The following WDR44 variants were observed in gnomAD, a reference collection of about 807,000 sequenced individuals.
WDR44 encodes WD repeat domain 44.
WDR44 carries 9 observed loss-of-function variants against 65.7 expected under a neutral mutation model. The ratio of observed to expected loss-of-function variants is 0.14; its 90% CI spans 0.08 to 0.24. The LOEUF (loss-of-function observed/expected upper bound fraction) is 0.24, where lower values mean the gene tolerates loss of function less well. Among genes scored for constraint, WDR44 ranks in the 10% least tolerant of loss-of-function variants. The pLI is 1.00. For missense variants in WDR44, 425 were observed against 670.9 expected, an observed-to-expected ratio of 0.63 and a Z score of 4.05; for synonymous variants, 220 against 235.2, an observed-to-expected ratio of 0.94 and a Z score of 0.59.
At chrX:118,382,940 C>CT (rs1173243313) in intron 2 of WDR44, among the ~76,000 whole-genome samples, 1 of 111,836 alleles carries the variant, frequency 8.9e-6, no homozygotes, top group Non-Finnish European at 1.9e-5. Context: ...TCAAGTATAG[C>CT]TAAGTTGGCA....
At chrX:118,398,579 C>A in intron 8 of WDR44, 109 bp downstream of exon 8, 1 of 612,525 alleles carries the variant, frequency 1.6e-6, no homozygotes, top group Non-Finnish European at 2.6e-6. Context: ...TGTCTACCCA[C>A]CACCATTCCT....
intron 14 of WDR44, 149 bp from the exon 15 acceptor site, chrX:118,441,219 A>G (rs2057303555): frequency 4.2e-6 from 2 of 474,526 alleles, no homozygotes; most frequent in Non-Finnish European, 6.9e-6. Context: ...GGCCTCCCCC[A>G]AAGTGCTAGG....
chrX:118,396,839 G>A, intron 6 of WDR44, 131 bp from the exon 7 acceptor site: 1 of 609,419 alleles, frequency 1.6e-6, no homozygotes, highest in Non-Finnish European at 2.3e-6. Context: ...AAAAATGTTA[G>A]AAATTATTGT....
intron 8 of WDR44, among the ~76,000 whole-genome samples, chrX:118,400,255 C>T (rs1345999271): frequency 5.4e-5 from 6 of 111,106 alleles, no homozygotes; most frequent in African/African-American, 2.0e-4. Flanking sequence ...CCCAGGCTTC[C>T]CTGGGCCCTG....
intron 1 of WDR44, among the ~76,000 whole-genome samples, chrX:118,376,414 C>T (rs1168366540): frequency 9.0e-6 from 1 of 111,512 alleles, no homozygotes; most frequent in Non-Finnish European, 1.9e-5. Flanking sequence ...CTCCAAAATA[C>T]GACTTTGAGG....
At chrX:118,424,790 CAAG>C (rs2057141934) in intron 12 of WDR44, among the ~76,000 whole-genome samples, 1 of 111,278 alleles carries the variant, frequency 9.0e-6, no homozygotes, top group Admixed American at 9.7e-5. Flanking sequence ...AGTCCAATGT[CAAG>C]AAGTTTTTTT....
In WDR44 at chrX:118,436,233, CCAT is replaced by C. The variant is rs200649722; in HGVS notation, c.1852-468_1852-466del. On this transcript the variant is annotated intron_variant, in intron 13 of 19. Transcript: ENST00000254029. ...ACAGGTGCACAATAACTTTTCATTT[CCAT>C]GCTGCATTATAGGGTAATCTTTTTG... Among the ~76,000 whole-genome samples, 556 of 112,065 alleles carry C rather than the reference CCAT, an allele frequency of 5.0e-3. 3 individuals are homozygous for C. The highest frequency in any genetic ancestry group is 9.3e-3 in the Middle Eastern group (2 of 216).
chrX:118,414,542 G>A (rs1174881451), intron 12 of WDR44, among the ~76,000 whole-genome samples: 6 of 111,262 alleles, frequency 5.4e-5, no homozygotes, highest in African/African-American at 9.8e-5. Context: ...TGTTTGTGTC[G>A]TCCATGATTT....
chrX:118,436,425 G>A, intron 13 of WDR44: 1 of 349,410 alleles, frequency 2.9e-6, no homozygotes, highest in Non-Finnish European at 5.3e-6. Context: ...TTAGTTCTCT[G>A]CTGGTGCCTG....
At chrX:118,363,654 C>CA (rs761288781) in intron 1 of WDR44, among the ~76,000 whole-genome samples, 1 of 111,151 alleles carries the variant, frequency 9.0e-6, no homozygotes, top group South Asian at 3.7e-4. Context: ...TTTTATGCTT[C>CA]ATAATTACGT....
At position 118,398,592 on chromosome X, in the gene WDR44, C is replaced by A. The variant is rs1288263767; in HGVS notation, c.1274+122C>A. 5.5e-6 allele frequency: 3 copies of A among 543,885 alleles called. No homozygotes were observed. The African/African-American group carries it at 7.1e-5, about 13-fold the overall frequency. The allele number at this position is 543,885 out of a possible 1,213,427, so 44.8% of individuals were successfully genotyped here. On this transcript the variant is annotated intron_variant, in intron 8 of 19. Coordinates refer to ENST00000254029, the MANE Select transcript of WDR44 (RefSeq NM_019045.5). Reference sequence around the variant, plus strand: ...TATGTCTACCCACCACCATTCCTCCCTGTCCCTCGCTGATGGGTTATGAAG... The same window carrying A: ...TATGTCTACCCACCACCATTCCTCCATGTCCCTCGCTGATGGGTTATGAAG...
chrX:118,394,699 C>T (rs760327128), intron 5 of WDR44, among the ~76,000 whole-genome samples: 54 of 111,119 alleles, frequency 4.9e-4, no homozygotes, highest in Admixed American at 8.7e-4. Flanking sequence ...TACATGGTAG[C>T]TGTGGTGGGC....
intron 1 of WDR44, among the ~76,000 whole-genome samples, chrX:118,355,722 C>T (rs956890000): frequency 3.6e-5 from 4 of 111,085 alleles, no homozygotes; most frequent in Non-Finnish European, 7.5e-5. Context: ...GTTGGGGAGG[C>T]GGGTGGTGAG....
Position 118,398,440 on chromosome X carries a change from A to C in WDR44, c.1244A>C (p.Asp415Ala). 3 of 1,209,956 alleles carry C rather than the reference A, an allele frequency of 2.5e-6. No individual in the cohort carries two copies. The highest frequency in any genetic ancestry group is 3.4e-6 in the Non-Finnish European group (3 of 894,142). ...GAGAAGTTACAGTCTCAGCCAACAG[A>C]TACTGATGGTGGAAGGTTAAAACAG... ...DEEKLQSQPT[D>A]TDGGRLKQKT... is the part of the protein sequence containing the mutation. Residue 415 changes from aspartate (D) to alanine (A), a missense_variant, in exon 8 of 20, where the codon GAT becomes GCT. By Grantham distance (126) the Asp-to-Ala change is moderately radical. Coordinates refer to ENST00000254029, the MANE Select transcript of WDR44 (RefSeq NM_019045.5).
At position 118,386,381 on chromosome X, in the gene WDR44, G is replaced by GTA. The variant is rs1294873306; in HGVS notation, c.112-957_112-956dup. On this transcript the variant is annotated intron_variant, in intron 2 of 19. Transcript: ENST00000254029. ...CCTAATTTTTTCCAGCAGAAATGCA[G>GTA]TATCCATTTCTAACCTCCCAAATAT... 6.7e-5 allele frequency: 24 copies of GTA among 359,496 alleles called. No individual in the cohort carries two copies. In the Admixed American group the frequency reaches 7.6e-4, roughly 11 times the overall value. The allele number at this position is 359,496 out of a possible 1,213,427, so 29.6% of individuals were successfully genotyped here.
At chrX:118,387,145 G>T (rs761492834) in intron 2 of WDR44, among the ~76,000 whole-genome samples, 195 bp from the exon 3 acceptor site, 1 of 93,609 alleles carries the variant, frequency 1.1e-5, no homozygotes, top group South Asian at 5.3e-4. Flanking sequence ...TTGTGCCACT[G>T]CACTCCAGCC....
chrX:118,370,082 A>G (rs769985281), intron 1 of WDR44, among the ~76,000 whole-genome samples: 18 of 112,093 alleles, frequency 1.6e-4, no homozygotes, highest in African/African-American at 5.2e-4. Flanking sequence ...TGTTTTTGAC[A>G]TTAGTCTAGG....
At chrX:118,349,238 T>G (rs2056380941) in intron 1 of WDR44, among the ~76,000 whole-genome samples, 1 of 110,487 alleles carries the variant, frequency 9.1e-6, no homozygotes, top group African/African-American at 3.3e-5. Flanking sequence ...TTCTTTATTT[T>G]CTTTTTTCTT....
At chrX:118,375,234 C>T (rs1316980596) in intron 1 of WDR44, among the ~76,000 whole-genome samples, 1 of 110,563 alleles carries the variant, frequency 9.0e-6, no homozygotes, top group East Asian at 2.8e-4. Context: ...TCAGATATCT[C>T]AAGGTGTGAG....
Sources: gnomAD v4.1 joint callset for allele counts (sites outside exome capture counted in the v4.1 genomes callset) on GRCh38, gnomAD v4.1.1 for gene constraint, MANE v1.5 for transcripts, NCBI Gene and HGNC (gene_info 2026-07-23, HGNC 2026-07-21) for gene names.